PAIP2: variants seen among roughly 807,000 people sequenced by gnomAD.
The protein encoded by PAIP2 is polyadenylate-binding protein-interacting protein 2.
PAIP2 carries 7 observed loss-of-function variants against 14.8 expected under a neutral mutation model. The observed-to-expected ratio is 0.47, with a 90% CI of 0.27 to 0.89. PAIP2 has a LOEUF of 0.89. PAIP2 is among the 40% of genes least tolerant of loss of function. The pLI, the probability that PAIP2 is intolerant of heterozygous loss-of-function variation, is 0.13. For synonymous variants in PAIP2, 47 were observed against 45.3 expected, an observed-to-expected ratio of 1.04 and a Z score of -0.15; for missense variants, 122 against 154.7, an observed-to-expected ratio of 0.79 and a Z score of 1.12.
chr5:139,365,754 G>A (rs1757214967), intron 3 of PAIP2, among the ~76,000 whole-genome samples: 1 of 152,110 alleles, frequency 6.6e-6, no homozygotes. Flanking sequence ...ACACTGTAGA[G>A]CTAGTCTTAG....
intron 1 of PAIP2, among the ~76,000 whole-genome samples, chr5:139,362,388 AT>A (rs1561963361): frequency 8.3e-6 from 1 of 121,062 alleles, no homozygotes; most frequent in Non-Finnish European, 1.7e-5. Context: ...GCCCAGCTAA[AT>A]TTTTTGTTTT....
At chr5:139,355,160 C>G (rs1756870269) in intron 1 of PAIP2, among the ~76,000 whole-genome samples, 2 of 116,212 alleles carry the variant, frequency 1.7e-5, no homozygotes, top group South Asian at 6.1e-4. Flanking sequence ...TTCTATTTGT[C>G]TCTCTCTTTT....
At chr5:139,348,100 C>A (rs1231569360) in intron 1 of PAIP2, among the ~76,000 whole-genome samples, 1 of 145,014 alleles carries the variant, frequency 6.9e-6, no homozygotes, top group Non-Finnish European at 1.5e-5. Flanking sequence ...GACCCGAGAT[C>A]GTGCAGCTGC....
chr5:139,343,237 T>C (rs1448163077), intron 1 of PAIP2: 7 of 152,238 alleles, frequency 4.6e-5, no homozygotes, highest in Non-Finnish European at 1.5e-5. Flanking sequence ...TACTTGTCAG[T>C]TGTGAACTTG....
chr5:139,346,725 C>T (rs1013676172), intron 1 of PAIP2, among the ~76,000 whole-genome samples: 3 of 145,326 alleles, frequency 2.1e-5, no homozygotes, highest in Non-Finnish European at 4.5e-5. Context: ...GACGGGGTTT[C>T]GCCCAAGTTG....
intron 1 of PAIP2, among the ~76,000 whole-genome samples, chr5:139,358,703 G>A (rs967787320): frequency 9.2e-5 from 14 of 152,206 alleles, no homozygotes; most frequent in Admixed American, 3.9e-4. Flanking sequence ...GCTGATACAT[G>A]CTACAACATA....
intron 1 of PAIP2, among the ~76,000 whole-genome samples, chr5:139,353,476 A>C (rs1313333590): frequency 1.3e-5 from 2 of 152,086 alleles, no homozygotes; most frequent in African/African-American, 4.8e-5. Context: ...TATTTTCTTA[A>C]GGGTTACCCT....
At chr5:139,347,738 A>G (rs1176042819) in intron 1 of PAIP2, among the ~76,000 whole-genome samples, 2 of 152,284 alleles carry the variant, frequency 1.3e-5, no homozygotes, top group Middle Eastern at 3.4e-3. Flanking sequence ...AACTTAAAGT[A>G]TAATAATAAT....
At chr5:139,345,770 GA>G (rs1756526370) in intron 1 of PAIP2, among the ~76,000 whole-genome samples, 1 of 151,654 alleles carries the variant, frequency 6.6e-6, no homozygotes, top group African/African-American at 2.4e-5. Context: ...TGGGACTACA[GA>G]CGCTTGCCAC....
chr5:139,352,992 T>C (rs1439862203), intron 1 of PAIP2, among the ~76,000 whole-genome samples: 1 of 151,760 alleles, frequency 6.6e-6, no homozygotes, highest in Non-Finnish European at 1.5e-5. Flanking sequence ...GGAGCATGCC[T>C]GTAATCCCAG....
chr5:139,356,524 T>A (rs1482109955), intron 1 of PAIP2, among the ~76,000 whole-genome samples: 1 of 152,024 alleles, frequency 6.6e-6, no homozygotes, highest in Non-Finnish European at 1.5e-5. Flanking sequence ...GTTAATTTAT[T>A]TTTTGCCTGT....
chr5:139,366,164 T>A (rs2152056266), intron 3 of PAIP2, among the ~76,000 whole-genome samples: 1 of 147,228 alleles, frequency 6.8e-6, no homozygotes, highest in African/African-American at 2.5e-5. Flanking sequence ...GATGGTGTCG[T>A]TGCACTCTAG....
chr5:139,347,080 AT>A, intron 1 of PAIP2, among the ~76,000 whole-genome samples: 1 of 152,280 alleles, frequency 6.6e-6, no homozygotes, highest in East Asian at 1.9e-4. Flanking sequence ...AAGTGCTAGG[AT>A]TATAGGTGTG....
intron 3 of PAIP2, among the ~76,000 whole-genome samples, chr5:139,366,514 C>T (rs1024266817): frequency 6.6e-6 from 1 of 152,112 alleles, no homozygotes; most frequent in African/African-American, 2.4e-5. Flanking sequence ...GCCTTTGTTG[C>T]AGTAAGTGAT....
chr5:139,363,250 A>G (rs1048656410), intron 1 of PAIP2, among the ~76,000 whole-genome samples: 6 of 152,250 alleles, frequency 3.9e-5, no homozygotes, highest in East Asian at 3.9e-4. Flanking sequence ...CAAAAAAAAA[A>G]AGAAAACATT....
At chr5:139,361,046 G>T (rs1581316592) in intron 1 of PAIP2, among the ~76,000 whole-genome samples, 1 of 152,214 alleles carries the variant, frequency 6.6e-6, no homozygotes, top group South Asian at 2.1e-4. Context: ...CTCCCAAAAT[G>T]CTGGAATTAC....
intron 1 of PAIP2, among the ~76,000 whole-genome samples, chr5:139,356,729 T>C (rs1192987398): frequency 1.3e-5 from 2 of 150,966 alleles, no homozygotes; most frequent in Non-Finnish European, 3.0e-5. Flanking sequence ...ACTAAAAGTA[T>C]ACAGAAAATT....
intron 1 of PAIP2, among the ~76,000 whole-genome samples, chr5:139,350,233 A>G (rs1037370149): frequency 9.2e-5 from 14 of 152,060 alleles, no homozygotes; most frequent in African/African-American, 3.4e-4. Context: ...ACTGGGTCAC[A>G]TATTCTATCT....
At chr5:139,350,521 C>G (rs760321622) in intron 1 of PAIP2, among the ~76,000 whole-genome samples, 4 of 151,766 alleles carry the variant, frequency 2.6e-5, no homozygotes, top group Admixed American at 2.0e-4. Context: ...GTCCCAGCTA[C>G]TCGGGAGGCT....
Sources: gnomAD v4.1 joint callset for allele counts (sites outside exome capture counted in the v4.1 genomes callset) on GRCh38, gnomAD v4.1.1 for gene constraint, MANE v1.5 for transcripts, NCBI Gene and HGNC (gene_info 2026-07-23, HGNC 2026-07-21) for gene names.